Variants in DHDDS observed in about 807,000 individuals in gnomAD.
DHDDS encodes dehydrodolichyl diphosphate synthase complex subunit DHDDS.
In DHDDS, 16 loss-of-function variants were observed where a neutral mutation model predicts 46.2. The ratio of observed to expected loss-of-function variants is 0.35; its 90% confidence interval spans 0.23 to 0.53. DHDDS has a LOEUF of 0.53. Among genes scored for constraint, DHDDS ranks in the 20% least tolerant of loss-of-function variants. The pLI, the probability that DHDDS is intolerant of heterozygous loss-of-function variation, is 0.94. For synonymous variants in DHDDS, 151 were observed against 163.1 expected (o/e 0.93, Z 0.56); for missense variants, 340 against 423.7 (o/e 0.80, Z 1.73).
At position 26,469,185 on chromosome 1, in the gene DHDDS, C is replaced by G. The variant is rs1222478964; in HGVS notation, c.*54C>G. 2.3e-5 allele frequency: 37 copies of G among 1,609,328 alleles called. No homozygotes were observed. The highest frequency in any genetic ancestry group is 3.1e-5 in the Non-Finnish European group (37 of 1,180,018). On this transcript the variant is annotated 3_prime_UTR_variant, in exon 9 of 9. Transcript: ENST00000236342. ...TGCCCTCTGCCTCCAGGGCTCCACT[C>G]CCCTTCCTTTTCTTGGTGAAAGGCA...
intron 6 of DHDDS, among the ~76,000 whole-genome samples, chr1:26,452,001 C>T (rs2075326009): frequency 1.3e-5 from 2 of 152,104 alleles, no homozygotes; most frequent in Admixed American, 6.6e-5. Context: ...CCCACCTTGG[C>T]CTCCCAAAGT....
intron 6 of DHDDS, chr1:26,454,979 C>CACCT: frequency 6.4e-7 from 1 of 1,553,556 alleles, no homozygotes; most frequent in Non-Finnish European, 8.9e-7. Context: ...GGCCTGGGCA[C>CACCT]ACCTGCCAGC....
chr1:26,440,778 C>G (rs950918023), intron 3 of DHDDS, among the ~76,000 whole-genome samples: 43 of 152,266 alleles, frequency 2.8e-4, no homozygotes, highest in African/African-American at 9.4e-4. Flanking sequence ...AGCTCTTCAG[C>G]TTGTTTCTTC....
chr1:26,441,961 T>C (rs2075223229), intron 3 of DHDDS, among the ~76,000 whole-genome samples: 1 of 151,744 alleles, frequency 6.6e-6, no homozygotes, highest in Non-Finnish European at 1.5e-5. Context: ...TGGTGCCCCT[T>C]CTCAATCAAC....
intron 8 of DHDDS, among the ~76,000 whole-genome samples, chr1:26,464,154 A>G (rs1002047744): frequency 4.0e-5 from 6 of 151,624 alleles, no homozygotes; most frequent in African/African-American, 1.5e-4. Context: ...CACCACGCAC[A>G]ACTAATTTTT....
intron 8 of DHDDS, 92 bp downstream of exon 8, chr1:26,460,236 C>G (rs2075409104): frequency 1.0e-6 from 1 of 998,086 alleles, no homozygotes; most frequent in Admixed American, 1.7e-5. Flanking sequence ...CCAGGCACTT[C>G]CTAATAAGAT....
chr1:26,449,243 C>T (rs912134073), intron 6 of DHDDS, among the ~76,000 whole-genome samples: 11 of 151,444 alleles, frequency 7.3e-5, no homozygotes, highest in African/African-American at 2.7e-4. Context: ...GGATTACAGG[C>T]GCCCACCACC....
intron 8 of DHDDS, among the ~76,000 whole-genome samples, chr1:26,463,221 G>A (rs752154351): frequency 6.6e-6 from 1 of 152,218 alleles, no homozygotes; most frequent in Non-Finnish European, 1.5e-5. Flanking sequence ...CAGTAGTCCA[G>A]GTGAGAGAGG....
chr1:26,469,412 G>T lies in DHDDS; in HGVS notation c.*281G>T. ...AGCAAAGGGCCACAACTCATCAGCT[G>T]CCTGTCTCTTAGATGCACTTTCTTT... On this transcript the variant is annotated 3_prime_UTR_variant, in exon 9 of 9. Coordinates refer to ENST00000236342, the MANE Select transcript of DHDDS (RefSeq NM_205861.3). The T allele has an allele frequency of 3.7e-6, 2 of 545,386 alleles. No homozygotes were observed. Among genetic ancestry groups the T allele is most frequent in the South Asian group, 2.0e-5 (1 of 48,888 alleles). 33.8% of individuals were successfully genotyped at this position (545,386 alleles called of 1,614,324 possible). A position where few individuals can be genotyped will look rare whatever the true frequency, so the allele number is the denominator to read the frequency against.
At position 26,469,357 on chromosome 1, in the gene DHDDS, C is replaced by G. The variant is rs2075529207; in HGVS notation, c.*226C>G. 2 of 744,036 alleles carry G rather than the reference C, an allele frequency of 2.7e-6. No individual in the cohort carries two copies. Among genetic ancestry groups the G allele is most frequent in the Non-Finnish European group, 4.3e-6 (2 of 459,780 alleles). 46.1% of individuals were successfully genotyped at this position (744,036 alleles called of 1,614,324 possible). A position where few individuals can be genotyped will look rare whatever the true frequency, so the allele number is the denominator to read the frequency against. On this transcript the variant is annotated 3_prime_UTR_variant, in exon 9 of 9. Coordinates refer to ENST00000236342, the MANE Select transcript of DHDDS (RefSeq NM_205861.3). ...GAAAGTCTCCCACGAGTACACTAAA[C>G]CTAGGTCTGGTCACCAATAGGGTTT...
Position 26,438,218 on chromosome 1 carries a change from C to A in DHDDS, c.114C>A (p.Arg38=). ...HIAFIMDGNR[R]YAKKCQVERQ... ...CATTCATAATGGACGGGAACCGTCG[C>A]TATGCCAAGAAGTGCCAGGTGGAGC... Residue 38 remains arginine (R), a synonymous_variant, in exon 3 of 9, where the codon CGC becomes CGA. Transcript: ENST00000236342. 2.5e-6 allele frequency: 4 copies of A among 1,614,088 alleles called. No individual in the cohort carries two copies. The highest frequency in any genetic ancestry group is 3.4e-6 in the Non-Finnish European group (4 of 1,179,934).
chr1:26,442,625 A>G lies in DHDDS; in HGVS notation c.181-106A>G. 5 of 1,360,092 alleles carry G rather than the reference A, an allele frequency of 3.7e-6. No homozygotes were observed. In the South Asian group the frequency reaches 5.9e-5, roughly 16 times the overall value. 84.3% of individuals were successfully genotyped at this position (1,360,092 alleles called of 1,614,324 possible). ...GCTTCACCCAGCTTTGGGGAGGAGAAAAGTCTGTCTCCTATCTCCAACTCT... is the reference window on the plus strand; with the variant it reads ...GCTTCACCCAGCTTTGGGGAGGAGAGAAGTCTGTCTCCTATCTCCAACTCT... On this transcript the variant is annotated intron_variant, in intron 3 of 8. Coordinates refer to ENST00000236342, the MANE Select transcript of DHDDS (RefSeq NM_205861.3).
rs182894703 is a variant in DHDDS, at chr1:26,449,184, C to T, written c.542+1524C>T. On this transcript the variant is annotated intron_variant, in intron 6 of 8. Transcript: ENST00000236342. ...CGAGATCTTGGCTCACTGCAACCTC[C>T]GCTTCCCAGGTTCCAGCAATTCTTC... Among the ~76,000 whole-genome samples, 241 of 151,970 alleles carry T rather than the reference C, an allele frequency of 1.6e-3. No homozygotes were observed. In the South Asian group the frequency reaches 0.019, roughly 12 times the overall value.
chr1:26,438,118 A>T (rs1450246893), intron 2 of DHDDS, 50 bp from the exon 3 acceptor site: 1 of 1,592,492 alleles, frequency 6.3e-7, no homozygotes, highest in Admixed American at 1.7e-5. Context: ...GTCTTCCTTT[A>T]TCCCTGAAGA....
intron 5 of DHDDS, among the ~76,000 whole-genome samples, chr1:26,446,644 T>C (rs2075271906): frequency 6.6e-6 from 1 of 152,044 alleles, no homozygotes; most frequent in African/African-American, 2.4e-5. Context: ...CACATACACA[T>C]AGTTTCTCTT....
At chr1:26,463,909 C>T (rs1450780630) in intron 8 of DHDDS, among the ~76,000 whole-genome samples, 2 of 150,864 alleles carry the variant, frequency 1.3e-5, no homozygotes, top group African/African-American at 4.9e-5. Context: ...TTGTATAGTT[C>T]TGCTGTTTCC....
intron 3 of DHDDS, 45 bp from the exon 4 acceptor site, chr1:26,442,686 C>T: frequency 6.2e-7 from 1 of 1,612,048 alleles, no homozygotes; most frequent in African/African-American, 1.3e-5. Flanking sequence ...ATTTCCCCTT[C>T]CCACTCTTCC....
intron 2 of DHDDS, among the ~76,000 whole-genome samples, chr1:26,434,542 G>A (rs1409433470): frequency 6.6e-6 from 1 of 152,206 alleles, no homozygotes; most frequent in African/African-American, 2.4e-5. Context: ...AAGTGTTGAT[G>A]AGGAAGCAGT....
chr1:26,435,227 G>T (rs909640500), intron 2 of DHDDS, among the ~76,000 whole-genome samples: 6 of 151,448 alleles, frequency 4.0e-5, no homozygotes, highest in African/African-American at 1.5e-4. Flanking sequence ...GGCCAGGCTG[G>T]TCTTAAACTC....
Sources: allele counts gnomAD v4.1 joint callset (sites outside exome capture counted in the v4.1 genomes callset), GRCh38; gene constraint gnomAD v4.1.1; transcripts MANE v1.5; gene names NCBI Gene and HGNC (gene_info 2026-07-23, HGNC 2026-07-21).